ABCC1: variants seen among roughly 807,000 people sequenced by gnomAD.
The protein encoded by ABCC1 is multidrug resistance-associated protein 1.
Under a neutral mutation model 172.9 loss-of-function variants are expected in ABCC1, and 83 were observed. The observed-to-expected ratio is 0.48, with a 90% CI of 0.40 to 0.58. The LOEUF (loss-of-function observed/expected upper bound fraction) is 0.58, where lower values mean the gene tolerates loss of function less well. Ranked by LOEUF, ABCC1 falls within the 20% of genes least tolerant of loss-of-function variation. ABCC1 has a pLI of 0.00. For missense variants in ABCC1, 1,817 were observed against 2,002.7 expected (o/e 0.91, Z 1.77); for synonymous variants, 937 against 825.2 (o/e 1.14, Z -2.32).
Position 16,114,932 on chromosome 16 carries a change from A to G in ABCC1, c.3246A>G (p.Thr1082=). Residue 1082 remains threonine (T), a synonymous_variant, in exon 23 of 31, where the codon ACA becomes ACG. Coordinates refer to ENST00000399410, the MANE Select transcript of ABCC1 (RefSeq NM_004996.4). ...ACCGCTTCTCCAAGGAGCTGGACAC[A>G]GTGGACTCCATGATCCCGGAGGTCA... ...LVNRFSKELD[T]VDSMIPEVIK... is the part of the protein sequence containing the mutation. 2 of 1,614,090 alleles carry G rather than the reference A, an allele frequency of 1.2e-6. No individual in the cohort carries two copies. Among genetic ancestry groups the G allele is most frequent in the South Asian group, 1.1e-5 (1 of 91,060 alleles).
rs138081170 is a variant in ABCC1 at position 16,000,142 on chromosome 16, C to T, written c.49-7674C>T. On this transcript the variant is annotated intron_variant, in intron 1 of 30. Coordinates refer to ENST00000399410, the MANE Select transcript of ABCC1 (RefSeq NM_004996.4). ...TGTTGGGATTACAGGCGTGAGCCAC[C>T]GCTCCTGGCCTTCCTTTTTTTTGAA... Among the ~76,000 whole-genome samples the T allele has an allele frequency of 3.3e-3, 500 of 151,852 alleles. 2 individuals carry two copies. The highest frequency in any genetic ancestry group is 0.028 in the Middle Eastern group (8 of 290).
At chr16:16,084,169 C>G (rs1445895469) in intron 17 of ABCC1, among the ~76,000 whole-genome samples, 2 of 152,160 alleles carry the variant, frequency 1.3e-5, no homozygotes, top group African/African-American at 2.4e-5. Flanking sequence ...GTGGCACGAT[C>G]TCAGCTCACT....
chr16:16,027,889 A>G (rs568611921), intron 5 of ABCC1, among the ~76,000 whole-genome samples: 1 of 152,248 alleles, frequency 6.6e-6, no homozygotes, highest in African/African-American at 2.4e-5. Flanking sequence ...TATTATTACT[A>G]CTACTACTAC....
intron 10 of ABCC1, 32 bp downstream of exon 10, chr16:16,048,335 C>G (rs566066271): frequency 6.2e-7 from 1 of 1,610,490 alleles, no homozygotes; most frequent in Non-Finnish European, 8.5e-7. Context: ...CCTTTGCATG[C>G]AGGGAGGGAC....
intron 14 of ABCC1, among the ~76,000 whole-genome samples, chr16:16,074,057 G>C (rs1294689010): frequency 6.6e-6 from 1 of 152,192 alleles, no homozygotes; most frequent in Non-Finnish European, 1.5e-5. Flanking sequence ...GATGGTCTCA[G>C]CATCTTCAGC....
At chr16:16,108,184 C>A (rs956855510) in intron 21 of ABCC1, among the ~76,000 whole-genome samples, 3 of 151,734 alleles carry the variant, frequency 2.0e-5, no homozygotes, top group Admixed American at 2.0e-4. Context: ...ATTTTATATT[C>A]AAGGAACATC....
chr16:15,961,937 T>C (rs1382041776), intron 1 of ABCC1, among the ~76,000 whole-genome samples: 1 of 152,216 alleles, frequency 6.6e-6, no homozygotes, highest in Admixed American at 6.5e-5. Flanking sequence ...CAAATATATG[T>C]AAATGATTCA....
At chr16:16,006,153 A>T (rs987431212) in intron 1 of ABCC1, among the ~76,000 whole-genome samples, 3 of 152,076 alleles carry the variant, frequency 2.0e-5, no homozygotes, top group African/African-American at 7.2e-5. Flanking sequence ...TGTACTTCTT[A>T]TTTTATCCGA....
intron 7 of ABCC1, among the ~76,000 whole-genome samples, chr16:16,040,922 A>G (rs772298015): frequency 1.3e-5 from 2 of 151,734 alleles, no homozygotes; most frequent in Non-Finnish European, 2.9e-5. Flanking sequence ...GGGAGCCGCC[A>G]TTGTATTTAT....
intron 11 of ABCC1, among the ~76,000 whole-genome samples, chr16:16,054,963 C>T (rs1168367537): frequency 6.6e-6 from 1 of 152,218 alleles, no homozygotes; most frequent in Admixed American, 6.5e-5. Flanking sequence ...GGCACAGGGG[C>T]TCATGTCTGT....
At chr16:16,036,390 C>T (rs115650654) in intron 6 of ABCC1, 82 bp from the exon 7 acceptor site, 13 of 1,332,282 alleles carry the variant, frequency 9.8e-6, no homozygotes, top group Admixed American at 2.0e-5. Flanking sequence ...CATCAGCAGG[C>T]GTGTGGAGTG....
intron 10 of ABCC1, among the ~76,000 whole-genome samples, chr16:16,049,885 T>C (rs1280948567): frequency 6.6e-6 from 1 of 151,896 alleles, no homozygotes; most frequent in Non-Finnish European, 1.5e-5. Context: ...GTAGAGACAG[T>C]GTTTGATCAT....
intron 12 of ABCC1, among the ~76,000 whole-genome samples, chr16:16,060,774 G>T (rs962210554): frequency 6.6e-6 from 1 of 151,982 alleles, no homozygotes; most frequent in Admixed American, 6.6e-5. Context: ...TACCTGCCTT[G>T]ATCTCCCAAC....
intron 19 of ABCC1, among the ~76,000 whole-genome samples, chr16:16,091,456 C>G (rs993448126): frequency 7.0e-6 from 1 of 143,652 alleles, no homozygotes. Context: ...GGAGGGGAAA[C>G]AAAAAAGACA....
intron 20 of ABCC1, among the ~76,000 whole-genome samples, chr16:16,106,166 T>C (rs2052089536): frequency 6.6e-6 from 1 of 152,046 alleles, no homozygotes; most frequent in Non-Finnish European, 1.5e-5. Flanking sequence ...TGTGAGCCAC[T>C]GCACCTGGCC....
intron 12 of ABCC1, among the ~76,000 whole-genome samples, chr16:16,061,772 C>CTTTTTT (rs201926082): frequency 3.1e-4 from 36 of 116,216 alleles, no homozygotes; most frequent in East Asian, 6.8e-4. Context: ...TTCTTTTTTT[C>CTTTTTT]TTTTTTTTTT....
intron 9 of ABCC1, 128 bp downstream of exon 9, chr16:16,046,141 C>T (rs1019773617): frequency 1.5e-5 from 16 of 1,066,978 alleles, no homozygotes; most frequent in African/African-American, 7.9e-5. Context: ...GGGTAGCTTC[C>T]GTGACCTTAG....
chr16:16,100,168 C>A (rs868286490), intron 19 of ABCC1, among the ~76,000 whole-genome samples: 1 of 152,164 alleles, frequency 6.6e-6, no homozygotes, highest in African/African-American at 2.4e-5. Context: ...GGTCCTCCTC[C>A]GTGCAGAGTG....
chr16:16,061,574 C>T (rs1361962002), intron 12 of ABCC1, among the ~76,000 whole-genome samples: 1 of 152,182 alleles, frequency 6.6e-6, no homozygotes, highest in East Asian at 1.9e-4. Flanking sequence ...AGCCCTTCCT[C>T]CTAACACCAG....
Sources: gnomAD v4.1 joint callset for allele counts (sites outside exome capture counted in the v4.1 genomes callset) on GRCh38, gnomAD v4.1.1 for gene constraint, MANE v1.5 for transcripts, NCBI Gene and HGNC (gene_info 2026-07-23, HGNC 2026-07-21) for gene names.